The following LTA4H variants were observed in gnomAD, a reference collection of about 807,000 sequenced individuals.
LTA4H encodes the protein leukotriene A-4 hydrolase.
A neutral mutation model predicts 89.8 loss-of-function variants in LTA4H; 59 were observed. That is an observed-to-expected ratio of 0.66 (90% confidence interval 0.53 to 0.82). LTA4H has a LOEUF of 0.82. Among genes scored for constraint, LTA4H ranks in the 40% least tolerant of loss-of-function variants. LTA4H has a pLI of 0.00. For missense variants in LTA4H, 617 were observed against 727.0 expected, an observed-to-expected ratio of 0.85 and a Z score of 1.74; for synonymous variants, 227 against 253.1, an observed-to-expected ratio of 0.90 and a Z score of 0.98.
At chr12:96,016,624 G>A (rs915251671) in intron 10 of LTA4H, among the ~76,000 whole-genome samples, 2 of 150,864 alleles carry the variant, frequency 1.3e-5, no homozygotes, top group African/African-American at 4.9e-5. Flanking sequence ...AAAATAGCTG[G>A]GCATGGTGGC....
chr12:96,006,825 GT>G (rs1353973432), intron 15 of LTA4H, among the ~76,000 whole-genome samples: 2 of 152,058 alleles, frequency 1.3e-5, no homozygotes, highest in Admixed American at 1.3e-4. Context: ...ATAAACTAAT[GT>G]TTTCCTCCAT....
upstream of LTA4H, among the ~76,000 whole-genome samples, chr12:96,037,934 C>A (rs1438870076): frequency 2.0e-5 from 3 of 152,164 alleles, no homozygotes; most frequent in Non-Finnish European, 1.5e-5. Context: ...TCGTGATCCA[C>A]CCACCTCGGC....
In LTA4H at chr12:96,013,866, A is replaced by C. The variant is rs1353609036; in HGVS notation, c.1205-13T>G. 1 of 1,165,004 alleles carries C rather than the reference A, an allele frequency of 8.6e-7. No homozygotes were observed. 72.2% of individuals were successfully genotyped at this position (1,165,004 alleles called of 1,614,324 possible). ...CCTAGGAAAATCTCTAAGAGTAAAA[A>C]AGAAAAGAAATCAATTCATAGAAAG... On this transcript the variant is annotated splice_polypyrimidine_tract_variant and intron_variant, in intron 12 of 18. Transcript: ENST00000228740.
At chr12:96,033,430 G>A (rs557374205) in intron 1 of LTA4H, among the ~76,000 whole-genome samples, 1 of 152,216 alleles carries the variant, frequency 6.6e-6, no homozygotes, top group South Asian at 2.1e-4. Context: ...TAGCGACCTC[G>A]GTTTTGGTTT....
intron 15 of LTA4H, 68 bp from the exon 16 acceptor site, chr12:96,006,477 C>T (rs1950205689): frequency 1.5e-5 from 13 of 843,904 alleles, no homozygotes; most frequent in Non-Finnish European, 2.2e-5. Flanking sequence ...GTTTATCTGA[C>T]ATAAAAGTAA....
rs765492540 is a variant in LTA4H, at chr12:96,000,958, G to C, written c.*31C>G. The C allele has an allele frequency of 4.4e-6, 6 of 1,374,666 alleles. No individual in the cohort carries two copies. Among genetic ancestry groups the C allele is most frequent in the African/African-American group, 4.3e-5 (3 of 69,892 alleles). The allele number at this position is 1,374,666 out of a possible 1,614,324, so 85.2% of individuals were successfully genotyped here. On this transcript the variant is annotated 3_prime_UTR_variant, in exon 19 of 19. Coordinates refer to ENST00000228740, the MANE Select transcript of LTA4H (RefSeq NM_000895.3). ...CTTTACGAATTCCATTTAAAAAAGAGAAATCTCTAAAATCATCAATACGCA... is the reference window on the plus strand; with the variant it reads ...CTTTACGAATTCCATTTAAAAAAGACAAATCTCTAAAATCATCAATACGCA...
chr12:96,034,950 A>AAAATCAGTTT (rs1478889959), intron 1 of LTA4H, among the ~76,000 whole-genome samples: 29 of 152,248 alleles, frequency 1.9e-4, no homozygotes, highest in African/African-American at 6.8e-4. Flanking sequence ...CCGCAGGCCG[A>AAAATCAGTTT]AGCAATGGGG....
At position 96,022,425 on chromosome 12, in the gene LTA4H, CACA is replaced by C. The variant is rs1950464569; in HGVS notation, c.481-177_481-175del. Among the ~76,000 whole-genome samples, 1 of 151,758 alleles carries C rather than the reference CACA, an allele frequency of 6.6e-6. No homozygotes were observed. Among genetic ancestry groups the C allele is most frequent in the African/African-American group, 2.4e-5 (1 of 41,240 alleles). On this transcript the variant is annotated intron_variant, in intron 4 of 18. Coordinates refer to ENST00000228740, the MANE Select transcript of LTA4H (RefSeq NM_000895.3). This position sits in a 1 kb window ranked among gnomAD's most constrained non-coding sequence, Gnocchi z 4.0. ...ATATATACACACACATATATATGAACACAACGTGTATAGATGTGTATATATATG... is the reference window on the plus strand; with the variant it reads ...ATATATACACACACATATATATGAACACGTGTATAGATGTGTATATATATG...
intron 1 of LTA4H, among the ~76,000 whole-genome samples, chr12:96,032,225 G>T (rs1950581956): frequency 6.6e-6 from 1 of 152,208 alleles, no homozygotes; most frequent in African/African-American, 2.4e-5. Flanking sequence ...AACTTGAAAA[G>T]AATTTTAGAA....
At chr12:96,020,530 A>G (rs1475606501) in intron 6 of LTA4H, among the ~76,000 whole-genome samples, 3 of 152,176 alleles carry the variant, frequency 2.0e-5, no homozygotes. Context: ...AGTTCTGCAA[A>G]ATGAAAAATT....
At chr12:96,039,664 C>G (rs1316972610), upstream of LTA4H, among the ~76,000 whole-genome samples, 2 of 152,210 alleles carry the variant, frequency 1.3e-5, no homozygotes, top group African/African-American at 4.8e-5. Context: ...CAAAACAAGT[C>G]ACACCAAATT....
At chr12:96,042,783 G>A (rs1950697721) in intron 1 of LTA4H, among the ~76,000 whole-genome samples, 1 of 152,046 alleles carries the variant, frequency 6.6e-6, no homozygotes, top group African/African-American at 2.4e-5. Flanking sequence ...ATAAAAACTC[G>A]CTTCCTCCCC....
chr12:96,019,363 G>A, intron 6 of LTA4H, 123 bp from the exon 7 acceptor site: 2 of 760,376 alleles, frequency 2.6e-6, no homozygotes, highest in Admixed American at 2.7e-5. Flanking sequence ...ATGTGCCTAT[G>A]GGAAAGGGAT....
chr12:96,018,008 A>C (rs1950402001), intron 8 of LTA4H, among the ~76,000 whole-genome samples: 1 of 152,342 alleles, frequency 6.6e-6, no homozygotes, highest in East Asian at 1.9e-4. Flanking sequence ...GGTTCTAAGA[A>C]GAATTTAAAG....
chr12:96,024,221 C>G (rs1472605194), intron 4 of LTA4H, among the ~76,000 whole-genome samples: 2 of 152,146 alleles, frequency 1.3e-5, no homozygotes, highest in African/African-American at 4.8e-5. Flanking sequence ...TGTGAGCCAC[C>G]ACACCTAGCC....
intron 14 of LTA4H, chr12:96,010,082 G>A (rs1426289897): frequency 1.3e-5 from 2 of 152,142 alleles, no homozygotes; most frequent in Non-Finnish European, 2.9e-5. Flanking sequence ...TGGGATCAGA[G>A]GTCCTTGACT....
chr12:96,014,105 AAG>A (rs536939004), intron 12 of LTA4H: 82 of 293,742 alleles, frequency 2.8e-4, no homozygotes, highest in Non-Finnish European at 4.7e-4. Context: ...ATAACACATG[AAG>A]ACACAGAAAA....
rs535091450 is a variant in LTA4H at position 96,030,962 on chromosome 12, T to C, written c.160-1777A>G. On this transcript the variant is annotated intron_variant, in intron 1 of 18. Coordinates refer to ENST00000228740, the MANE Select transcript of LTA4H (RefSeq NM_000895.3). Reference sequence around the variant, plus strand: ...AGAATAGCTAACTTGTTTTAAAAACTTGATTTGAGTATCTTGTGTTTATAA... The same window carrying C: ...AGAATAGCTAACTTGTTTTAAAAACCTGATTTGAGTATCTTGTGTTTATAA... Among the ~76,000 whole-genome samples the C allele has an allele frequency of 2.0e-5, 3 of 152,346 alleles. No homozygotes were observed. The South Asian group carries it at 6.2e-4, about 32-fold the overall frequency.
Position 96,006,349 on chromosome 12 carries a change from G to A in LTA4H, c.1495C>T (p.Gln499Ter), listed in dbSNP as rs200830508. The A allele has an allele frequency of 1.1e-5, 17 of 1,611,588 alleles. No homozygotes were observed. The highest frequency in any genetic ancestry group is 1.4e-5 in the Non-Finnish European group (17 of 1,178,758). ...GTCTGTGCTAAAAACTCATTCAATT[G>A]ATGAGAAGAGAGATCCTTCAGGTCT... ...ATDLKDLSSHQLNEFLAQTLQ... is the reference protein window; with the variant it reads ...ATDLKDLSSH Residue 499 changes from glutamine to a stop codon, truncating the protein, a stop_gained, in exon 16 of 19, where the codon CAA becomes TAA. Transcript: ENST00000228740. LOFTEE classifies it high-confidence loss of function.
Sources: allele counts gnomAD v4.1 joint callset (sites outside exome capture counted in the v4.1 genomes callset), GRCh38; gene constraint gnomAD v4.1.1; non-coding constraint Gnocchi (gnomAD v3.1); transcripts MANE v1.5; gene names NCBI Gene and HGNC (gene_info 2026-07-23, HGNC 2026-07-21).